Variants in MEGF10 observed in about 807,000 individuals in gnomAD.
MEGF10 encodes multiple epidermal growth factor-like domains protein 10.
A neutral mutation model predicts 147.5 loss-of-function variants in MEGF10; 86 were observed. The ratio of observed to expected loss-of-function variants is 0.58; its 90% confidence interval spans 0.49 to 0.70. The LOEUF (loss-of-function observed/expected upper bound fraction) is 0.70. MEGF10 is among the 30% of genes least tolerant of loss of function. The pLI, the probability that MEGF10 is intolerant of heterozygous loss-of-function variation, is 0.00. For missense variants in MEGF10, 1,329 were observed against 1,487.3 expected, an observed-to-expected ratio of 0.89 and a Z score of 1.75; for synonymous variants, 478 against 525.5, an observed-to-expected ratio of 0.91 and a Z score of 1.24.
intron 4 of MEGF10, among the ~76,000 whole-genome samples, chr5:127,354,679 T>C (rs1373818131): frequency 6.6e-6 from 1 of 152,224 alleles, no homozygotes; most frequent in Non-Finnish European, 1.5e-5. Flanking sequence ...ATCACACACC[T>C]GGCTAAAGGC....
Position 127,312,295 on chromosome 5 carries a change from T to C in MEGF10, c.-18-18996T>C, listed in dbSNP as rs1190031004. Among the ~76,000 whole-genome samples the C allele has an allele frequency of 2.0e-5, 3 of 152,188 alleles. No homozygotes were observed. The East Asian group carries it at 5.8e-4, about 29-fold the overall frequency. ...GGCACCAGGCTTTGCTTGTTTGCCA[T>C]ATAAATCCTGGTCATAACAGAGACC... On this transcript the variant is annotated intron_variant, in intron 1 of 24. Transcript: ENST00000503335.
At chr5:127,299,297 T>A (rs1399439643) in intron 1 of MEGF10, among the ~76,000 whole-genome samples, 1 of 152,202 alleles carries the variant, frequency 6.6e-6, no homozygotes, top group African/African-American at 2.4e-5. Flanking sequence ...ATATTAATAA[T>A]TCCCTTCCAG....
intron 1 of MEGF10, among the ~76,000 whole-genome samples, chr5:127,301,701 T>C (rs1196800009): frequency 6.6e-6 from 1 of 152,214 alleles, no homozygotes; most frequent in Non-Finnish European, 1.5e-5. Flanking sequence ...CCTCTTTTCA[T>C]CAAATGTGAA....
At chr5:127,245,170 C>G in the MEGF10 span, among the ~76,000 whole-genome samples, 65 of 152,250 alleles carry the variant, frequency 4.3e-4, no homozygotes, top group South Asian at 1.5e-3. Flanking sequence ...GCAAAAAGGA[C>G]AAAGCTGGAG....
intron 20 of MEGF10, among the ~76,000 whole-genome samples, chr5:127,446,162 C>CT (rs34573606): frequency 6.6e-6 from 1 of 152,156 alleles, no homozygotes; most frequent in Non-Finnish European, 1.5e-5. Context: ...TCAGAAACAG[C>CT]TTTTTGGTAT....
At position 127,434,720 on chromosome 5, in the gene MEGF10, GC is replaced by G. The variant is rs749424207; in HGVS notation, c.1876del (p.Gln626ArgfsTer123). ...CCTGGTTTTTATGGGCATCGCTGCAGCCAGACATGCCCACAGTGCGTTCACA... is the reference window on the plus strand; with the variant it reads ...CCTGGTTTTTATGGGCATCGCTGCAGCAGACATGCCCACAGTGCGTTCACA... Reference protein sequence around the residue: ...CSPGFYGHRCSQTCPQCVHSS... With the variant: ...CSPGFYGHRCXQTCPQCVHSS... On this transcript the variant is annotated frameshift_variant, in exon 15 of 25. Coordinates refer to ENST00000503335, the MANE Select transcript of MEGF10 (RefSeq NM_001256545.2). LOFTEE classifies it high-confidence loss of function. 2 of 1,613,552 alleles carry G rather than the reference GC, an allele frequency of 1.2e-6. No individual in the cohort carries two copies. Among genetic ancestry groups the G allele is most frequent in the Non-Finnish European group, 1.7e-6 (2 of 1,179,848 alleles).
the MEGF10 span, among the ~76,000 whole-genome samples, chr5:127,281,782 C>T: frequency 2.0e-5 from 3 of 152,186 alleles, no homozygotes; most frequent in African/African-American, 7.2e-5. Flanking sequence ...TAGCAGGGGC[C>T]CCAGTTGCAC....
Position 127,417,782 on chromosome 5 carries a change from T to G in MEGF10, c.1275T>G (p.Thr425=). The change falls in exon 10 of 25, where the codon ACT becomes ACG. Residue 425 remains threonine, a synonymous_variant. Coordinates refer to ENST00000503335, the MANE Select transcript of MEGF10 (RefSeq NM_001256545.2). The part of the protein sequence containing the change: ...CQNGADCDSV[T]GKCTCAPGFK... ...ATGGGGCAGACTGTGACAGTGTGAC[T>G]GGAAAGTGCACCTGTGCCCCAGGAT... 2 of 1,613,946 alleles carry G rather than the reference T, an allele frequency of 1.2e-6. No homozygotes were observed. Among genetic ancestry groups the G allele is most frequent in the Non-Finnish European group, 1.7e-6 (2 of 1,179,980 alleles).
chr5:127,396,499 A>G (rs1445558905), intron 5 of MEGF10, 33 bp from the exon 6 acceptor site: 1 of 1,495,750 alleles, frequency 6.7e-7, no homozygotes, highest in East Asian at 2.4e-5. Flanking sequence ...TCCCTTACCC[A>G]CTGATATCCA....
Position 127,412,734 on chromosome 5 carries a change from T to C in MEGF10, c.1130+2133T>C, listed in dbSNP as rs1764621119. On this transcript the variant is annotated intron_variant, in intron 9 of 24. Coordinates refer to ENST00000503335, the MANE Select transcript of MEGF10 (RefSeq NM_001256545.2). ...CTACTCCAAACCCAATGACGTAAAATAACAATTATTTACTAACTGATGATT... is the reference window on the plus strand; with the variant it reads ...CTACTCCAAACCCAATGACGTAAAACAACAATTATTTACTAACTGATGATT... 2.0e-5 allele frequency among the ~76,000 whole-genome samples: 3 copies of C among 152,096 alleles called. No individual in the cohort carries two copies. The South Asian group carries it at 6.2e-4, about 32-fold the overall frequency.
intron 5 of MEGF10, among the ~76,000 whole-genome samples, chr5:127,391,885 T>C (rs1763711256): frequency 6.6e-6 from 1 of 152,152 alleles, no homozygotes; most frequent in Admixed American, 6.5e-5. Flanking sequence ...AACTAGTTGC[T>C]GGGCACAGTG....
chr5:127,396,440 A>G (rs888250460), intron 5 of MEGF10, 92 bp from the exon 6 acceptor site: 6 of 1,417,934 alleles, frequency 4.2e-6, no homozygotes, highest in South Asian at 1.5e-5. Flanking sequence ...ATGAATGGCC[A>G]TGAGAGGTCA....
rs114201451 is a variant in MEGF10, at chr5:127,426,317, C to T, written c.1693+3545C>T. Reference sequence around the variant, plus strand: ...TATTTTACCTAGTCATAAAATAAGTCCTCAAAATATACTGTTATGAAAAGT... The same window carrying T: ...TATTTTACCTAGTCATAAAATAAGTTCTCAAAATATACTGTTATGAAAAGT... On this transcript the variant is annotated intron_variant, in intron 13 of 24. Transcript: ENST00000503335. 5.6e-3 allele frequency among the ~76,000 whole-genome samples: 854 copies of T among 152,158 alleles called. 10 individuals carry two copies. The highest frequency in any genetic ancestry group is 0.02 in the African/African-American group (810 of 41,502).
intron 8 of MEGF10, among the ~76,000 whole-genome samples, chr5:127,405,385 A>T (rs1764284685): frequency 6.6e-6 from 1 of 151,902 alleles, no homozygotes; most frequent in East Asian, 1.9e-4. Flanking sequence ...GTATTTTGTA[A>T]TTTTTTAAAA....
intron 20 of MEGF10, 107 bp downstream of exon 20, chr5:127,445,800 C>A: frequency 1.3e-6 from 1 of 799,246 alleles, no homozygotes; most frequent in Non-Finnish European, 2.1e-6. Context: ...TCTGTCAATT[C>A]TCATTGAGAG....
At chr5:127,229,579 A>AGC in the MEGF10 span, 9 of 152,628 alleles carry the variant, frequency 5.9e-5, no homozygotes, top group African/African-American at 2.2e-4. Context: ...GAGTGAAAGA[A>AGC]CGGGGTGCGG....
the MEGF10 span, among the ~76,000 whole-genome samples, chr5:127,266,926 C>T: frequency 2.0e-5 from 3 of 152,182 alleles, no homozygotes; most frequent in South Asian, 6.2e-4. Context: ...TTTCTCCTGC[C>T]TGATTTCCCT....
At chr5:127,332,201 C>T (rs898600329) in intron 2 of MEGF10, among the ~76,000 whole-genome samples, 1 of 152,162 alleles carries the variant, frequency 6.6e-6, no homozygotes, top group African/African-American at 2.4e-5. Flanking sequence ...ACCCATCCAG[C>T]GATATTGCAG....
At chr5:127,424,306 T>G in intron 13 of MEGF10, 2 of 703,268 alleles carry the variant, frequency 2.8e-6, no homozygotes, top group Non-Finnish European at 2.6e-6. Flanking sequence ...ACTGAGAAAT[T>G]GAAATCCTTT....
Sources: gnomAD v4.1 joint callset for allele counts (sites outside exome capture counted in the v4.1 genomes callset) on GRCh38, gnomAD v4.1.1 for gene constraint, MANE v1.5 for transcripts, NCBI Gene and HGNC (gene_info 2026-07-23, HGNC 2026-07-21) for gene names.